Variants in CFAP54 observed in about 807,000 individuals in gnomAD.
CFAP54 encodes cilia- and flagella-associated protein 54.
A neutral mutation model predicts 370.4 loss-of-function variants in CFAP54; 290 were observed. That is an observed-to-expected ratio of 0.78 (90% CI 0.71 to 0.86). The LOEUF (loss-of-function observed/expected upper bound fraction) is 0.86. Ranked by LOEUF, CFAP54 falls within the 40% of genes least tolerant of loss-of-function variation. CFAP54 has a pLI of 0.00. For synonymous variants in CFAP54, 1,206 were observed against 1,236.5 expected (o/e 0.98, Z 0.52); for missense variants, 3,399 against 3,528.7 (o/e 0.96, Z 0.93).
At chr12:96,789,464 C>G (rs2136699054) in intron 62 of CFAP54, among the ~76,000 whole-genome samples, 1 of 152,274 alleles carries the variant, frequency 6.6e-6, no homozygotes, top group African/African-American at 2.4e-5. Context: ...GTCACAGATA[C>G]CTCAGGCATT....
At position 96,720,513 on chromosome 12, in the gene CFAP54, G is replaced by T. The variant is rs1479768099; in HGVS notation, c.6913G>T (p.Ala2305Ser). The T allele has an allele frequency of 3.1e-6, 5 of 1,594,154 alleles. No individual in the cohort carries two copies. In the Admixed American group the frequency reaches 8.6e-5, roughly 27 times the overall value. ...SAGELEIVVE[A>S]RLQLAAVALQ... ...TGGCGAGCTGGAGATTGTGGTGGAG[G>T]CCCGGCTTCAGCTGGCTGCAGTTGC... Residue 2305 changes from alanine to serine, a missense_variant, in exon 50 of 68, where the codon GCC becomes TCC. Transcript: ENST00000524981.
At chr12:96,653,697 AG>A (rs1009377665) in intron 36 of CFAP54, among the ~76,000 whole-genome samples, 9 of 152,150 alleles carry the variant, frequency 5.9e-5, no homozygotes, top group African/African-American at 9.6e-5. Flanking sequence ...GTTTATATAT[AG>A]AAAAAAAGAG....
At chr12:96,752,085 T>TGA (rs55648812) in intron 55 of CFAP54, among the ~76,000 whole-genome samples, 4,980 of 90,554 alleles carry the variant, frequency 0.055, 397 homozygotes, top group East Asian at 0.27. Flanking sequence ...TCTTCCTGGA[T>TGA]GAGAGAGAGA....
intron 66 of CFAP54, among the ~76,000 whole-genome samples, chr12:96,852,021 T>C (rs559720940): frequency 6.6e-6 from 1 of 152,276 alleles, no homozygotes; most frequent in Admixed American, 6.5e-5. Flanking sequence ...AAAGTTGCTG[T>C]CTGTACTATC....
At chr12:96,589,366 A>G in intron 22 of CFAP54, 61 bp from the exon 23 acceptor site, 2 of 1,298,188 alleles carry the variant, frequency 1.5e-6, no homozygotes. Context: ...TTTAAGAATT[A>G]TTGTTTAAAA....
intron 4 of CFAP54, among the ~76,000 whole-genome samples, chr12:96,512,636 A>T (rs1159622201): frequency 6.6e-6 from 1 of 151,914 alleles, no homozygotes; most frequent in Non-Finnish European, 1.5e-5. Context: ...CACTGTACAC[A>T]GCTGGGAACC....
chr12:96,810,935 C>G (rs781607123), intron 63 of CFAP54, among the ~76,000 whole-genome samples: 1 of 152,076 alleles, frequency 6.6e-6, no homozygotes, highest in Non-Finnish European at 1.5e-5. Context: ...CAGGCAGATA[C>G]GGGAACCTCC....
chr12:96,734,382 A>G (rs1342886749), intron 50 of CFAP54, among the ~76,000 whole-genome samples: 4 of 152,086 alleles, frequency 2.6e-5, no homozygotes, highest in African/African-American at 9.7e-5. Context: ...GAGGGCAGGG[A>G]TTCTTGTTTG....
At chr12:96,618,598 A>G (rs1255608401) in intron 26 of CFAP54, among the ~76,000 whole-genome samples, 1 of 114,748 alleles carries the variant, frequency 8.7e-6, no homozygotes, top group Non-Finnish European at 1.8e-5. Context: ...GTGGGTTTCA[A>G]AGATTTGAGA....
At chr12:96,644,478 G>A (rs1956768432) in intron 33 of CFAP54, 70 bp downstream of exon 33, 2 of 1,093,510 alleles carry the variant, frequency 1.8e-6, no homozygotes, top group Non-Finnish European at 2.6e-6. Context: ...TATGTTCAGA[G>A]CTCCAATGGT....
chr12:96,555,849 C>A (rs1955745837), intron 17 of CFAP54, among the ~76,000 whole-genome samples: 2 of 151,690 alleles, frequency 1.3e-5, no homozygotes, highest in African/African-American at 2.4e-5. Flanking sequence ...AGACTCAATG[C>A]AATTTCAATA....
At chr12:96,730,910 TGTA>T in intron 50 of CFAP54, among the ~76,000 whole-genome samples, 1 of 152,336 alleles carries the variant, frequency 6.6e-6, no homozygotes. Context: ...TTATAATTTT[TGTA>T]GTTTTTAAGC....
rs1955181410 is a variant in CFAP54, at chr12:96,512,339, ATAT to A, written c.740-646_740-644del. ...TATATATATATATATATATATATAT[ATAT>A]ATATATATGTATATATTTGAGATGG... On this transcript the variant is annotated intron_variant, in intron 4 of 67. Transcript: ENST00000524981. Among the ~76,000 whole-genome samples the A allele has an allele frequency of 3.1e-3, 140 of 45,158 alleles. 1 individual carries two copies. The highest frequency in any genetic ancestry group is 0.012 in the African/African-American group (133 of 10,980). 29.6% of individuals were successfully genotyped at this position (45,158 alleles called of 152,430 possible).
rs12099782 is a variant in CFAP54, at chr12:96,718,964, G to C, written c.6804+442G>C. Among the ~76,000 whole-genome samples, 278 of 152,166 alleles carry C rather than the reference G, an allele frequency of 1.8e-3. 3 individuals carry two copies. The highest frequency in any genetic ancestry group is 6.2e-3 in the African/African-American group (258 of 41,502). ...GAGGCAGGAGAATCGCTTGAACCCA[G>C]GAGGCAGAGGTTGCAGTGAGTCAAT... On this transcript the variant is annotated intron_variant, in intron 49 of 67. Coordinates refer to ENST00000524981, the MANE Select transcript of CFAP54 (RefSeq NM_001306084.2).
chr12:96,650,133 C>T (rs568587165), intron 35 of CFAP54, 61 bp downstream of exon 35: 12 of 1,351,444 alleles, frequency 8.9e-6, no homozygotes, highest in East Asian at 4.7e-5. Flanking sequence ...CCAACTTGGG[C>T]GTTTAAGATA....
At chr12:96,644,155 A>T in intron 32 of CFAP54, 23 bp from the exon 33 acceptor site, 2 of 1,465,668 alleles carry the variant, frequency 1.4e-6, no homozygotes, top group Non-Finnish European at 1.8e-6. Flanking sequence ...GTGTAATTTC[A>T]AAACTTCTTT....
intron 53 of CFAP54, 47 bp downstream of exon 53, chr12:96,743,606 GT>G (rs1958077120): frequency 1.2e-6 from 2 of 1,609,372 alleles, no homozygotes; most frequent in Non-Finnish European, 1.7e-6. Flanking sequence ...AGGGATTCCA[GT>G]TAGAACAAAA....
chr12:96,590,117 C>T (rs1459307222), intron 23 of CFAP54, among the ~76,000 whole-genome samples: 1 of 152,128 alleles, frequency 6.6e-6, no homozygotes, highest in African/African-American at 2.4e-5. Context: ...ATAAAAATAC[C>T]AACTACAAAC....
At chr12:96,833,847 G>A (rs2059143247) in intron 66 of CFAP54, among the ~76,000 whole-genome samples, 1 of 151,906 alleles carries the variant, frequency 6.6e-6, no homozygotes, top group South Asian at 2.1e-4. Context: ...TGAGCACATG[G>A]CATGTGCAGA....
Sources: gnomAD v4.1 joint callset for allele counts (sites outside exome capture counted in the v4.1 genomes callset) on GRCh38, gnomAD v4.1.1 for gene constraint, MANE v1.5 for transcripts, NCBI Gene and HGNC (gene_info 2026-07-23, HGNC 2026-07-21) for gene names.